The following THAP4 variants were observed in gnomAD, a reference collection of about 807,000 sequenced individuals.
THAP4 encodes peroxynitrite isomerase THAP4.
A neutral mutation model predicts 48.1 loss-of-function variants in THAP4; 18 were observed. The observed-to-expected ratio is 0.37, with a 90% CI of 0.26 to 0.56. THAP4 has a LOEUF of 0.56. Ranked by LOEUF, THAP4 falls within the 20% of genes least tolerant of loss-of-function variation. The probability of loss-of-function intolerance (pLI) is 0.78; values close to 1 mark genes in which losing one functional copy is unlikely to be tolerated. For synonymous variants in THAP4, 345 were observed against 324.9 expected, an observed-to-expected ratio of 1.06 and a Z score of -0.66; for missense variants, 656 against 774.9, an observed-to-expected ratio of 0.85 and a Z score of 1.82.
chr2:241,595,423 A>G (rs2067035826), intron 5 of THAP4, among the ~76,000 whole-genome samples: 1 of 152,040 alleles, frequency 6.6e-6, no homozygotes, highest in South Asian at 2.1e-4. Flanking sequence ...GGATCACCTA[A>G]GGTCAGGAGT....
At chr2:241,602,035 G>C in intron 4 of THAP4, 36 bp from the exon 5 acceptor site, 1 of 1,597,592 alleles carries the variant, frequency 6.3e-7, no homozygotes, top group Non-Finnish European at 8.5e-7. Context: ...CCCAGCAGCT[G>C]CTCGGCTTGC....
chr2:241,626,480 A>T (rs1180537577), intron 2 of THAP4, among the ~76,000 whole-genome samples: 1 of 152,112 alleles, frequency 6.6e-6, no homozygotes, highest in Admixed American at 6.6e-5. Context: ...AAAAAACAAA[A>T]ACCAAAAAAC....
chr2:241,626,000 CG>C (rs1559233462), intron 2 of THAP4, among the ~76,000 whole-genome samples: 2 of 152,024 alleles, frequency 1.3e-5, no homozygotes, highest in African/African-American at 4.8e-5. Flanking sequence ...TAACGTAACC[CG>C]TCACATCAAC....
chr2:241,614,906 C>G (rs2067319039), intron 2 of THAP4, among the ~76,000 whole-genome samples: 2 of 151,768 alleles, frequency 1.3e-5, no homozygotes, highest in South Asian at 4.2e-4. Context: ...AAAACAAAAA[C>G]AAAAACAAAA....
chr2:241,619,271 G>A (rs995536844), intron 2 of THAP4, among the ~76,000 whole-genome samples: 1 of 152,204 alleles, frequency 6.6e-6, no homozygotes, highest in Admixed American at 6.5e-5. Flanking sequence ...AACACAGCCC[G>A]AGTGCCAGCC....
In THAP4 at chr2:241,633,177, G is replaced by C; in HGVS notation, c.980C>G (p.Ser327Cys). The change falls in exon 2 of 6, where the codon TCC (serine) becomes TGC (cysteine). Residue 327 changes from serine (S) to cysteine (C), a missense_variant. By Grantham distance (112) the Ser-to-Cys change is moderately radical (BLOSUM62 -1). Transcript: ENST00000407315. The surrounding 1 kb of genome is among the most constrained non-coding windows in gnomAD (Gnocchi z 7.5). Reference sequence around the variant, plus strand: ...CGCCGACAGGATGACCTCGTTGATGGACATGGGGCTGGCGTCGCTGTGCTC... The same window carrying C: ...CGCCGACAGGATGACCTCGTTGATGCACATGGGGCTGGCGTCGCTGTGCTC... The part of the protein sequence containing the change: ...QSEHSDASPM[S>C]INEVILSASG... 6.2e-7 allele frequency: 1 copy of C among 1,608,894 alleles called. No individual in the cohort carries two copies. Among genetic ancestry groups the C allele is most frequent in the Non-Finnish European group, 8.5e-7 (1 of 1,176,750 alleles).
intron 2 of THAP4, among the ~76,000 whole-genome samples, chr2:241,622,968 A>AG (rs1328675221): frequency 6.6e-6 from 1 of 152,178 alleles, no homozygotes; most frequent in Admixed American, 6.5e-5. Context: ...CTGTAATCCC[A>AG]GCACTTTGGG....
chr2:241,615,673 C>T (rs1372412578), intron 2 of THAP4, among the ~76,000 whole-genome samples: 4 of 152,374 alleles, frequency 2.6e-5, no homozygotes, highest in Non-Finnish European at 5.9e-5. Context: ...TGGTGTGAGT[C>T]GCATACCTTG....
chr2:241,621,191 T>C (rs997688244), intron 2 of THAP4, among the ~76,000 whole-genome samples: 1 of 151,880 alleles, frequency 6.6e-6, no homozygotes, highest in African/African-American at 2.4e-5. Context: ...CTACTAAAAA[T>C]ACAAAAATTA....
chr2:241,599,488 T>C (rs993340683), intron 5 of THAP4, among the ~76,000 whole-genome samples: 2 of 152,162 alleles, frequency 1.3e-5, no homozygotes, highest in South Asian at 2.1e-4. Context: ...ATAATCAATC[T>C]GAAGATTAAA....
intron 4 of THAP4, 162 bp from the exon 5 acceptor site, chr2:241,602,161 G>A (rs994436620): frequency 3.2e-5 from 22 of 678,554 alleles, no homozygotes; most frequent in South Asian, 2.0e-4. Flanking sequence ...CTGTGGATAC[G>A]GAGGGAAAGC....
intron 2 of THAP4, among the ~76,000 whole-genome samples, chr2:241,623,441 A>G (rs954510356): frequency 6.6e-6 from 1 of 151,966 alleles, no homozygotes; most frequent in Non-Finnish European, 1.5e-5. Context: ...TTAGCAGGGC[A>G]TGGTGGCACG....
At chr2:241,589,499 G>A (rs777269035) in intron 5 of THAP4, among the ~76,000 whole-genome samples, 6 of 152,128 alleles carry the variant, frequency 3.9e-5, no homozygotes, top group Non-Finnish European at 8.8e-5. Flanking sequence ...GAGCAGCATC[G>A]TTACTCAGCA....
intron 2 of THAP4, among the ~76,000 whole-genome samples, chr2:241,618,944 C>T (rs1425535116): frequency 6.6e-6 from 1 of 152,226 alleles, no homozygotes; most frequent in Non-Finnish European, 1.5e-5. Flanking sequence ...CTGACTTCAC[C>T]AGGACCTCAT....
intron 3 of THAP4, among the ~76,000 whole-genome samples, chr2:241,603,922 C>T (rs1337618275): frequency 1.3e-5 from 2 of 151,220 alleles, no homozygotes; most frequent in South Asian, 2.1e-4. Context: ...GGGGCCCAGT[C>T]GGGTAGATCT....
intron 1 of THAP4, 29 bp downstream of exon 1, chr2:241,636,911 CG>C: frequency 8.3e-7 from 1 of 1,204,080 alleles, no homozygotes. Flanking sequence ...CGGGTCGGGG[CG>C]GGGGCGTGGC....
chr2:241,625,108 A>G (rs1429893914), intron 2 of THAP4, among the ~76,000 whole-genome samples: 1 of 152,236 alleles, frequency 6.6e-6, no homozygotes, highest in African/African-American at 2.4e-5. Context: ...ACCAGAAAAC[A>G]GTAGCAGAGG....
Position 241,601,222 on chromosome 2 carries a change from G to A in THAP4, c.1614+674C>T, listed in dbSNP as rs35560939. ...GAACCTGAGAGGCGGTGGTTGCGAT[G>A]AGCCGAGATCCCACCTTTGCATTCC... On this transcript the variant is annotated intron_variant, in intron 5 of 5. Coordinates refer to ENST00000407315, the MANE Select transcript of THAP4 (RefSeq NM_015963.6). The surrounding 1 kb of genome is among the most constrained non-coding windows in gnomAD (Gnocchi z 4.0). Among the ~76,000 whole-genome samples the A allele has an allele frequency of 0.33, 49,756 of 151,824 alleles. 8,454 individuals carry two copies. The highest frequency in any genetic ancestry group is 0.46 in the South Asian group (2,190 of 4,810).
At chr2:241,623,034 G>A (rs1372202243) in intron 2 of THAP4, among the ~76,000 whole-genome samples, 1 of 150,834 alleles carries the variant, frequency 6.6e-6, no homozygotes, top group East Asian at 2.0e-4. Context: ...TGGCCAACAT[G>A]GTGAAACCCC....
Sources: gnomAD v4.1 joint callset for allele counts (sites outside exome capture counted in the v4.1 genomes callset) on GRCh38, gnomAD v4.1.1 for gene constraint, Gnocchi (gnomAD v3.1) non-coding constraint, MANE v1.5 for transcripts, NCBI Gene and HGNC (gene_info 2026-07-23, HGNC 2026-07-21) for gene names.